NRXN1: variants seen among roughly 807,000 people sequenced by gnomAD.
NRXN1 encodes the protein neurexin-1.
In NRXN1, 39 loss-of-function variants were observed where a neutral mutation model predicts 150.9. The ratio of observed to expected loss-of-function variants is 0.26; its 90% CI spans 0.20 to 0.34. NRXN1 has a LOEUF of 0.34. Among genes scored for constraint, NRXN1 ranks in the 10% least tolerant of loss-of-function variants. The pLI is 1.00. For missense variants in NRXN1, 1,815 were observed against 1,949.9 expected (o/e 0.93, Z 1.30); for synonymous variants, 924 against 757.0 (o/e 1.22, Z -3.62).
chr2:50,053,724 T>C (rs1262933757), intron 20 of NRXN1, 134 bp from the exon 21 acceptor site: 1 of 855,894 alleles, frequency 1.2e-6, no homozygotes, highest in Non-Finnish European at 1.8e-6. Context: ...GACTCATAAT[T>C]CATTGCTTAT....
chr2:50,114,247 T>C (rs1223740422), intron 18 of NRXN1, among the ~76,000 whole-genome samples: 1 of 152,080 alleles, frequency 6.6e-6, no homozygotes, highest in Non-Finnish European at 1.5e-5. Flanking sequence ...GGCAAATACA[T>C]ACATGAAAGA....
At chr2:50,289,328 G>C (rs2072604481) in intron 17 of NRXN1, among the ~76,000 whole-genome samples, 1 of 152,146 alleles carries the variant, frequency 6.6e-6, no homozygotes, top group African/African-American at 2.4e-5. Context: ...CAATGCAAAT[G>C]AGGAGTGTGG....
chr2:50,655,702 T>C (rs1471012704), intron 5 of NRXN1, among the ~76,000 whole-genome samples: 1 of 151,662 alleles, frequency 6.6e-6, no homozygotes, highest in Non-Finnish European at 1.5e-5. Flanking sequence ...AGAAGAGAAC[T>C]AGGACTTAGT....
At chr2:49,933,147 C>T (rs1407235108) in intron 22 of NRXN1, among the ~76,000 whole-genome samples, 5 of 152,014 alleles carry the variant, frequency 3.3e-5, no homozygotes, top group East Asian at 3.9e-4. Flanking sequence ...AGCACAGTGG[C>T]GCGGTCTCAG....
chr2:50,362,355 C>T (rs2079275818), intron 17 of NRXN1, among the ~76,000 whole-genome samples: 1 of 152,162 alleles, frequency 6.6e-6, no homozygotes, highest in African/African-American at 2.4e-5. Context: ...ATCCCATTGT[C>T]TCAGACCAAA....
At chr2:50,835,584 G>A (rs969035848) in intron 5 of NRXN1, among the ~76,000 whole-genome samples, 1 of 152,108 alleles carries the variant, frequency 6.6e-6, no homozygotes, top group East Asian at 1.9e-4. Context: ...CATGACATTT[G>A]CTTTGAGAAT....
chr2:49,987,081 C>G (rs544253737), intron 21 of NRXN1, among the ~76,000 whole-genome samples: 1 of 151,956 alleles, frequency 6.6e-6, no homozygotes, highest in African/African-American at 2.4e-5. Flanking sequence ...TATTATTAAC[C>G]ATATTTACCC....
At chr2:50,376,206 A>T (rs962760798) in intron 17 of NRXN1, among the ~76,000 whole-genome samples, 3 of 152,026 alleles carry the variant, frequency 2.0e-5, no homozygotes, top group African/African-American at 4.8e-5. Context: ...AACAGTATAA[A>T]GGACTTAGAC....
Position 50,346,822 on chromosome 2 carries a change from CCGCTGA to C in NRXN1, c.3365-109858_3365-109853del. 1.2e-6 allele frequency: 2 copies of C among 1,612,440 alleles called. No homozygotes were observed. The highest frequency in any genetic ancestry group is 1.7e-6 in the Non-Finnish European group (2 of 1,179,604). ...TGCCCCCCACGCCACTCCTAGGAGG[CCGCTGA>C]GGGTGAGCGGGACTATCCAAAGCAG... On this transcript the variant is annotated intron_variant, in intron 17 of 22. Transcript: ENST00000401669. The surrounding 1 kb of genome is among the most constrained non-coding windows in gnomAD (Gnocchi z 5.0).
At chr2:50,648,750 G>A (rs527712119) in intron 5 of NRXN1, among the ~76,000 whole-genome samples, 4 of 151,958 alleles carry the variant, frequency 2.6e-5, no homozygotes, top group African/African-American at 9.6e-5. Flanking sequence ...GCAAACAGCC[G>A]GTCATCACTT....
chr2:50,665,951 T>C (rs1244365003), intron 5 of NRXN1, among the ~76,000 whole-genome samples: 2 of 151,928 alleles, frequency 1.3e-5, no homozygotes, highest in East Asian at 1.9e-4. Context: ...TAAAATATCA[T>C]AGATGATATT....
At chr2:50,552,060 G>T (rs1667617364) in intron 9 of NRXN1, among the ~76,000 whole-genome samples, 1 of 152,184 alleles carries the variant, frequency 6.6e-6, no homozygotes, top group African/African-American at 2.4e-5. Flanking sequence ...AGAAAGGGAA[G>T]CAGTTTGGAA....
chr2:50,842,320 T>C (rs913525924), intron 5 of NRXN1, among the ~76,000 whole-genome samples: 3 of 152,182 alleles, frequency 2.0e-5, no homozygotes, highest in African/African-American at 7.2e-5. Flanking sequence ...AGGAAAAACA[T>C]AGGCTAACAA....
chr2:50,548,762 T>C (rs918281321), intron 9 of NRXN1, among the ~76,000 whole-genome samples: 2 of 150,980 alleles, frequency 1.3e-5, no homozygotes, highest in Non-Finnish European at 3.0e-5. Flanking sequence ...GTCCACCAAA[T>C]ATGATTTTAA....
At chr2:51,008,390 A>G (rs955268115) in intron 2 of NRXN1, among the ~76,000 whole-genome samples, 1 of 151,914 alleles carries the variant, frequency 6.6e-6, no homozygotes, top group Non-Finnish European at 1.5e-5. Flanking sequence ...GTAGAGACAA[A>G]TAAAGCTTGG....
chr2:50,244,419 T>C (rs993881155), intron 17 of NRXN1, among the ~76,000 whole-genome samples: 4 of 151,892 alleles, frequency 2.6e-5, no homozygotes, highest in African/African-American at 9.7e-5. Context: ...TGACTCTACA[T>C]AATCAATGAT....
chr2:50,146,691 G>A (rs1235367840), intron 18 of NRXN1, among the ~76,000 whole-genome samples: 3 of 151,470 alleles, frequency 2.0e-5, no homozygotes, highest in Non-Finnish European at 3.0e-5. Flanking sequence ...ACCAGTTTAC[G>A]TTAACATAGT....
intron 17 of NRXN1, among the ~76,000 whole-genome samples, chr2:50,371,054 GTA>G (rs565246652): frequency 2.0e-5 from 3 of 151,780 alleles, no homozygotes; most frequent in Non-Finnish European, 4.4e-5. Flanking sequence ...ATGCATGATT[GTA>G]TATATATATG....
At chr2:50,635,455 G>A (rs1057070102) in intron 5 of NRXN1, among the ~76,000 whole-genome samples, 2 of 151,874 alleles carry the variant, frequency 1.3e-5, no homozygotes, top group Admixed American at 1.3e-4. Flanking sequence ...TTACAGGCGT[G>A]AGCCACTGCG....
Sources: gnomAD v4.1 joint callset for allele counts (sites outside exome capture counted in the v4.1 genomes callset) on GRCh38, gnomAD v4.1.1 for gene constraint, Gnocchi (gnomAD v3.1) non-coding constraint, MANE v1.5 for transcripts, NCBI Gene and HGNC (gene_info 2026-07-23, HGNC 2026-07-21) for gene names.